The following FAM120A variants were observed in gnomAD, a reference collection of about 807,000 sequenced individuals.
FAM120A encodes the protein family with sequence similarity 120 member A.
In FAM120A, 15 loss-of-function variants were observed where a neutral mutation model predicts 109.7. The ratio of observed to expected loss-of-function variants is 0.14; its 90% confidence interval spans 0.09 to 0.21. The LOEUF (loss-of-function observed/expected upper bound fraction) is 0.21, where lower values mean the gene tolerates loss of function less well. Ranked by LOEUF, FAM120A falls within the 10% of genes least tolerant of loss-of-function variation. The pLI, the probability that FAM120A is intolerant of heterozygous loss-of-function variation, is 1.00. For synonymous variants in FAM120A, 493 were observed against 572.8 expected (o/e 0.86, Z 1.99); for missense variants, 899 against 1,439.3 (o/e 0.62, Z 6.07).
chr9:93,511,393 T>C (rs1332606709), intron 5 of FAM120A, among the ~76,000 whole-genome samples: 1 of 152,182 alleles, frequency 6.6e-6, no homozygotes, highest in Non-Finnish European at 1.5e-5. Context: ...ATCCTTTGCC[T>C]CCCTGGGCAC....
intron 3 of FAM120A, among the ~76,000 whole-genome samples, chr9:93,488,027 T>C (rs1316330661): frequency 6.6e-6 from 1 of 152,192 alleles, no homozygotes; most frequent in East Asian, 1.9e-4. Context: ...CTTCCTCAAC[T>C]TCTCTTTCCT....
intron 2 of FAM120A, among the ~76,000 whole-genome samples, chr9:93,472,274 T>A (rs868065496): frequency 1.5e-4 from 23 of 151,914 alleles, no homozygotes; most frequent in Non-Finnish European, 1.5e-4. Flanking sequence ...AAAAAAAAAA[T>A]TCCCAAGAAG....
At chr9:93,552,813 C>G (rs921282463) in intron 12 of FAM120A, among the ~76,000 whole-genome samples, 1 of 152,174 alleles carries the variant, frequency 6.6e-6, no homozygotes, top group African/African-American at 2.4e-5. Flanking sequence ...ATAGTCAACT[C>G]TTGACTGTTA....
In FAM120A at chr9:93,460,190, G is replaced by A. The variant is rs1487929695; in HGVS notation, c.474+7801G>A. 3.9e-5 allele frequency among the ~76,000 whole-genome samples: 6 copies of A among 152,256 alleles called. No homozygotes were observed. In the South Asian group the frequency reaches 1.0e-3, roughly 26 times the overall value. Reference sequence around the variant, plus strand: ...AATGTCAAATATCGCGTAACATGAAGAAGAGAGATTTTAGGATTTGAAAAC... The same window carrying A: ...AATGTCAAATATCGCGTAACATGAAAAAGAGAGATTTTAGGATTTGAAAAC... On this transcript the variant is annotated intron_variant, in intron 1 of 17. Coordinates refer to ENST00000277165, the MANE Select transcript of FAM120A (RefSeq NM_014612.5).
chr9:93,454,487 C>T (rs1246661088), intron 1 of FAM120A, among the ~76,000 whole-genome samples: 2 of 152,160 alleles, frequency 1.3e-5, no homozygotes, highest in African/African-American at 4.8e-5. Context: ...CACTCATGGA[C>T]TGGCCTCTTT....
At chr9:93,488,197 A>C (rs561743216) in intron 3 of FAM120A, among the ~76,000 whole-genome samples, 1 of 152,168 alleles carries the variant, frequency 6.6e-6, no homozygotes, top group Non-Finnish European at 1.5e-5. Flanking sequence ...GTAAATATGA[A>C]CAGATCTGCC....
At chr9:93,490,607 A>T (rs760290219) in intron 3 of FAM120A, among the ~76,000 whole-genome samples, 1 of 152,264 alleles carries the variant, frequency 6.6e-6, no homozygotes, top group African/African-American at 2.4e-5. Flanking sequence ...AAAATGTTTG[A>T]TTTTAAAGAT....
chr9:93,495,035 C>T (rs1859511670), intron 3 of FAM120A, among the ~76,000 whole-genome samples: 1 of 152,220 alleles, frequency 6.6e-6, no homozygotes, highest in South Asian at 2.1e-4. Flanking sequence ...TTCACTGCCA[C>T]TAGTCCCATG....
chr9:93,539,846 C>A (rs1260529107), intron 10 of FAM120A, among the ~76,000 whole-genome samples: 1 of 152,196 alleles, frequency 6.6e-6, no homozygotes, highest in African/African-American at 2.4e-5. Flanking sequence ...TCCAGCTGCC[C>A]CTTTGCAGGG....
At position 93,508,500 on chromosome 9, in the gene FAM120A, C is replaced by T. The variant is rs115569490; in HGVS notation, c.1031-7167C>T. ...GCCCAGTGACTGACCTGGATGCAGA[C>T]CTAGGAGACAGCAGGCTGAGTGGCC... On this transcript the variant is annotated intron_variant, in intron 5 of 17. Transcript: ENST00000277165. 9.1e-3 allele frequency among the ~76,000 whole-genome samples: 1,387 copies of T among 152,298 alleles called. 22 individuals are homozygous for T. The highest frequency in any genetic ancestry group is 0.032 in the African/African-American group (1,317 of 41,552).
intron 7 of FAM120A, among the ~76,000 whole-genome samples, chr9:93,518,162 T>C (rs1860681654): frequency 6.6e-6 from 1 of 152,186 alleles, no homozygotes; most frequent in African/African-American, 2.4e-5. Flanking sequence ...TTGAGATGAA[T>C]GAAGGCAGAG....
chr9:93,474,218 C>T (rs1057246981), intron 2 of FAM120A, among the ~76,000 whole-genome samples: 7 of 152,044 alleles, frequency 4.6e-5, no homozygotes, highest in African/African-American at 1.7e-4. Flanking sequence ...GATGGAGTCT[C>T]TCTCTGTTGC....
chr9:93,453,873 A>G (rs574928612), intron 1 of FAM120A, among the ~76,000 whole-genome samples: 2 of 152,370 alleles, frequency 1.3e-5, no homozygotes, highest in Non-Finnish European at 2.9e-5. Context: ...GGAAAAGACT[A>G]CTTAAAAGAC....
At position 93,565,571 on chromosome 9, in the gene FAM120A, G is replaced by A. The variant is rs551007283; in HGVS notation, c.*1031G>A. 2.0e-5 allele frequency: 3 copies of A among 151,956 alleles called. No individual in the cohort carries two copies. In the East Asian group the frequency reaches 5.8e-4, roughly 29 times the overall value. The allele number at this position is 151,956 out of a possible 1,614,324, so 9.4% of individuals were successfully genotyped here. ...TCTAAAGCCCCCCAAAAATTATCTAGCCGTTTCGAATATCAACATTACCCT... is the reference window on the plus strand; with the variant it reads ...TCTAAAGCCCCCCAAAAATTATCTAACCGTTTCGAATATCAACATTACCCT... On this transcript the variant is annotated 3_prime_UTR_variant, in exon 18 of 18. Transcript: ENST00000277165.
chr9:93,506,902 G>A (rs10733748), intron 5 of FAM120A, among the ~76,000 whole-genome samples: 136,518 of 152,136 alleles, frequency 0.9, 61,333 homozygotes, highest in East Asian at 1. Flanking sequence ...ACACCTGGCC[G>A]GGGCACGATT....
In FAM120A at chr9:93,490,363, C is replaced by G. The variant is rs1299044949; in HGVS notation, c.805-7108C>G. Among the ~76,000 whole-genome samples, 21 of 152,302 alleles carry G rather than the reference C, an allele frequency of 1.4e-4. 1 individual carries two copies. Among genetic ancestry groups the G allele is most frequent in the Admixed American group, 1.4e-3 (21 of 15,300 alleles). The stretch of plus-strand genomic sequence containing the variant: ...TGTTTTGTATGGTATATTTAATTAG[C>G]TTATACATCCCACAGGAATATGACC... On this transcript the variant is annotated intron_variant, in intron 3 of 17. Coordinates refer to ENST00000277165, the MANE Select transcript of FAM120A (RefSeq NM_014612.5).
intron 1 of FAM120A, among the ~76,000 whole-genome samples, chr9:93,468,475 G>T (rs1858155384): frequency 6.6e-6 from 1 of 152,274 alleles, no homozygotes; most frequent in South Asian, 2.1e-4. Context: ...TGTAGGTATG[G>T]TTTATAATAG....
chr9:93,452,655 A>G lies in FAM120A; in HGVS notation c.474+266A>G. 1 of 1,598,998 alleles carries G rather than the reference A, an allele frequency of 6.3e-7. No homozygotes were observed. Among genetic ancestry groups the G allele is most frequent in the Non-Finnish European group, 8.5e-7 (1 of 1,179,912 alleles). ...CTTGAGGGCTGGGAGAGAGCCCCGG[A>G]CCAGAATTCGGAGGCGACAGTGTCA... On this transcript the variant is annotated intron_variant, in intron 1 of 17. Coordinates refer to ENST00000277165, the MANE Select transcript of FAM120A (RefSeq NM_014612.5). This position sits in a 1 kb window ranked among gnomAD's most constrained non-coding sequence, Gnocchi z 7.0.
At chr9:93,484,321 A>C (rs775929912) in intron 3 of FAM120A, among the ~76,000 whole-genome samples, 1 of 152,052 alleles carries the variant, frequency 6.6e-6, no homozygotes, top group Non-Finnish European at 1.5e-5. Context: ...TTGTTACAGG[A>C]TTGCTTTTAG....
Sources: allele counts gnomAD v4.1 joint callset (sites outside exome capture counted in the v4.1 genomes callset), GRCh38; gene constraint gnomAD v4.1.1; non-coding constraint Gnocchi (gnomAD v3.1); transcripts MANE v1.5; gene names NCBI Gene and HGNC (gene_info 2026-07-23, HGNC 2026-07-21).